Variants in PATJ observed in about 807,000 individuals in gnomAD.
PATJ encodes PATJ crumbs cell polarity complex component.
In PATJ, 190 loss-of-function variants were observed where a neutral mutation model predicts 224.9. That is an observed-to-expected ratio of 0.84 (90% CI 0.75 to 0.95). PATJ has a LOEUF of 0.95. Ranked by LOEUF, PATJ falls within the 40% of genes least tolerant of loss-of-function variation. The pLI is 0.00. For missense variants in PATJ, 2,121 were observed against 2,270.3 expected, an observed-to-expected ratio of 0.93 and a Z score of 1.34; for synonymous variants, 769 against 820.3, an observed-to-expected ratio of 0.94 and a Z score of 1.07.
chr1:62,082,458 T>G (rs912137592), intron 32 of PATJ, among the ~76,000 whole-genome samples: 5 of 152,202 alleles, frequency 3.3e-5, no homozygotes, highest in African/African-American at 1.2e-4. Context: ...TCTGTGCCAC[T>G]CCAAAACCTG....
At chr1:62,071,941 G>A (rs529834790) in intron 31 of PATJ, among the ~76,000 whole-genome samples, 24 of 152,248 alleles carry the variant, frequency 1.6e-4, no homozygotes, top group African/African-American at 5.3e-4. Flanking sequence ...GTTACCAAGA[G>A]ACAGAGTAAA....
chr1:61,808,701 C>T (rs537906436), intron 14 of PATJ, among the ~76,000 whole-genome samples, 171 bp downstream of exon 14: 2 of 152,128 alleles, frequency 1.3e-5, no homozygotes, highest in South Asian at 2.1e-4. Flanking sequence ...ATTTTTTTAT[C>T]GTTTGAAGAA....
At chr1:61,841,248 G>T (rs767960626) in intron 17 of PATJ, among the ~76,000 whole-genome samples, 6 of 152,002 alleles carry the variant, frequency 3.9e-5, no homozygotes, top group Admixed American at 6.6e-5. Context: ...GGTGGGGTTG[G>T]GGGGAGGGCA....
At chr1:61,934,781 A>G (rs899204251) in intron 27 of PATJ, among the ~76,000 whole-genome samples, 2 of 152,144 alleles carry the variant, frequency 1.3e-5, no homozygotes, top group African/African-American at 4.8e-5. Flanking sequence ...CAAACCTAGT[A>G]TTTGGCCGAA....
At chr1:62,001,476 G>C (rs1645768727) in intron 28 of PATJ, among the ~76,000 whole-genome samples, 1 of 149,876 alleles carries the variant, frequency 6.7e-6, no homozygotes, top group African/African-American at 2.5e-5. Flanking sequence ...TTTTTCTCAG[G>C]TTTGTCAAAG....
intron 34 of PATJ, among the ~76,000 whole-genome samples, chr1:62,111,663 C>A (rs897884941): frequency 7.0e-6 from 1 of 142,342 alleles, no homozygotes; most frequent in Non-Finnish European, 1.5e-5. Flanking sequence ...AACCCATGTT[C>A]TTTTTTTTTT....
chr1:61,756,066 T>C (rs1055327361), intron 1 of PATJ, among the ~76,000 whole-genome samples: 2 of 152,206 alleles, frequency 1.3e-5, no homozygotes, highest in East Asian at 3.8e-4. Context: ...CTGCTGGGAT[T>C]GCAGGCGTGA....
chr1:61,754,423 C>T (rs753548808), intron 1 of PATJ, among the ~76,000 whole-genome samples: 1 of 151,914 alleles, frequency 6.6e-6, no homozygotes, highest in African/African-American at 2.4e-5. Flanking sequence ...TAGCTAACTG[C>T]ACCCTCAATT....
rs1259027441 is a variant in PATJ, at chr1:61,791,330, T to C, written c.1069-18T>C. The C allele has an allele frequency of 6.8e-6, 10 of 1,463,492 alleles. No homozygotes were observed. In the East Asian group the frequency reaches 2.3e-4, roughly 33 times the overall value. 90.7% of individuals were successfully genotyped at this position (1,463,492 alleles called of 1,614,324 possible). On this transcript the variant is annotated intron_variant, in intron 8 of 43. Coordinates refer to ENST00000642238, the MANE Select transcript of PATJ (RefSeq NM_001350145.3). ...ATGCCACTAAGCATATATAATTAAA[T>C]TTGTTTTTTCCTTTTAGGACAGTTC...
chr1:62,126,259 G>A (rs543226471), intron 39 of PATJ, among the ~76,000 whole-genome samples: 21 of 152,044 alleles, frequency 1.4e-4, no homozygotes, highest in African/African-American at 3.9e-4. Flanking sequence ...AGCATTCACC[G>A]TACCTTTCCA....
At chr1:61,823,208 A>T (rs1657620216) in intron 15 of PATJ, 129 bp downstream of exon 15, 1 of 850,186 alleles carries the variant, frequency 1.2e-6, no homozygotes, top group Non-Finnish European at 1.8e-6. Context: ...TAGATTGAAA[A>T]AACCGAACAG....
At chr1:61,969,087 C>T (rs947082950) in intron 27 of PATJ, among the ~76,000 whole-genome samples, 2 of 152,162 alleles carry the variant, frequency 1.3e-5, no homozygotes, top group Non-Finnish European at 2.9e-5. Flanking sequence ...CGTAGTATTC[C>T]ATTGTCTGTG....
intron 25 of PATJ, among the ~76,000 whole-genome samples, chr1:61,913,884 C>G (rs997214455): frequency 1.3e-5 from 2 of 152,158 alleles, no homozygotes; most frequent in Non-Finnish European, 2.9e-5. Flanking sequence ...AATTAGATCA[C>G]CCCTAAAACT....
chr1:62,162,059 A>G lies in PATJ; in HGVS notation c.*1005A>G, dbSNP rs1669877751. 1 of 152,192 alleles carries G rather than the reference A, an allele frequency of 6.6e-6. No homozygotes were observed. Among genetic ancestry groups the G allele is most frequent in the Non-Finnish European group, 1.5e-5 (1 of 68,024 alleles). 9.4% of individuals were successfully genotyped at this position (152,192 alleles called of 1,614,324 possible). ...ATCTTCTAAAAATTCTGAAAGACTA[A>G]TTGTTTTCTGTGCCATATAAATGCA... On this transcript the variant is annotated 3_prime_UTR_variant, in exon 44 of 44. Transcript: ENST00000642238.
chr1:61,886,819 C>CAAAAAAAAAAAAAAAAAAAAAAAA lies in PATJ; in HGVS notation c.3131+2423_3131+2424insAAAAAAAAAAAAAAAAAAAAAAAA, dbSNP rs35950461. On this transcript the variant is annotated intron_variant, in intron 22 of 43. Coordinates refer to ENST00000642238, the MANE Select transcript of PATJ (RefSeq NM_001350145.3). ...TGGGCAACAGAGCAAGACCCCATCT[C>CAAAAAAAAAAAAAAAAAAAAAAAA]AAAAAAAAAAAATTAGCCTGTTGTG... Among the ~76,000 whole-genome samples, 153 of 87,468 alleles carry CAAAAAAAAAAAAAAAAAAAAAAAA rather than the reference C, an allele frequency of 1.7e-3. 49 individuals are homozygous for CAAAAAAAAAAAAAAAAAAAAAAAA. The highest frequency in any genetic ancestry group is 2.8e-3 in the Non-Finnish European group (103 of 37,352). 57.4% of individuals were successfully genotyped at this position (87,468 alleles called of 152,430 possible).
intron 27 of PATJ, among the ~76,000 whole-genome samples, chr1:61,933,539 C>CAAAAAAAAA: frequency 1.4e-5 from 1 of 71,886 alleles, no homozygotes; most frequent in Non-Finnish European, 3.2e-5. Flanking sequence ...GACTCCATCT[C>CAAAAAAAAA]AAAAAAAAAA....
intron 39 of PATJ, among the ~76,000 whole-genome samples, chr1:62,125,784 T>C (rs1322654917): frequency 6.6e-6 from 1 of 152,062 alleles, no homozygotes; most frequent in Non-Finnish European, 1.5e-5. Context: ...TCTTTTTTTT[T>C]CCTGAGACAG....
At chr1:61,882,266 G>A (rs1251378015) in intron 21 of PATJ, among the ~76,000 whole-genome samples, 5 of 152,174 alleles carry the variant, frequency 3.3e-5, no homozygotes, top group African/African-American at 1.2e-4. Flanking sequence ...TTTTCATAGG[G>A]TAACATTTGA....
rs201606777 is a variant in PATJ, at chr1:61,894,267, A to AC, written c.3132-5316_3132-5315insC. On this transcript the variant is annotated intron_variant, in intron 22 of 43. Transcript: ENST00000642238. ...GAAACTCTATCTCATAAAAAAAAAA[A>AC]AACACAAAAAAAAAACAGAGAATTC... Among the ~76,000 whole-genome samples, 14 of 138,802 alleles carry AC rather than the reference A, an allele frequency of 1.0e-4. 1 individual carries two copies. The highest frequency in any genetic ancestry group is 4.6e-4 in the South Asian group (2 of 4,334). The allele number at this position is 138,802 out of a possible 152,430, so 91.1% of individuals were successfully genotyped here. A position where few individuals can be genotyped will look rare whatever the true frequency, so the allele number is the denominator to read the frequency against.
Sources: gnomAD v4.1 joint callset for allele counts (sites outside exome capture counted in the v4.1 genomes callset) on GRCh38, gnomAD v4.1.1 for gene constraint, MANE v1.5 for transcripts, NCBI Gene and HGNC (gene_info 2026-07-23, HGNC 2026-07-21) for gene names.